Variants in PHAF1 observed in about 807,000 individuals in gnomAD.
PHAF1 encodes phagophore assembly factor 1.
In PHAF1, 23 loss-of-function variants were observed where a neutral mutation model predicts 63.1. The observed-to-expected ratio is 0.36, with a 90% CI of 0.26 to 0.52. PHAF1 has a LOEUF of 0.52. Among genes scored for constraint, PHAF1 ranks in the 20% least tolerant of loss-of-function variants. The probability of loss-of-function intolerance (pLI) is 0.93; values close to 1 mark genes in which losing one functional copy is unlikely to be tolerated. For missense variants in PHAF1, 427 were observed against 517.2 expected (o/e 0.83, Z 1.69); for synonymous variants, 167 against 185.0 (o/e 0.90, Z 0.79).
intron 1 of PHAF1, among the ~76,000 whole-genome samples, 183 bp from the exon 2 acceptor site, chr16:67,119,929 T>C (rs1962906445): frequency 6.6e-6 from 1 of 152,194 alleles, no homozygotes; most frequent in African/African-American, 2.4e-5. Flanking sequence ...CTCTTAGTGC[T>C]TGCTGCTTAA....
Position 67,134,457 on chromosome 16 carries a change from A to C in PHAF1, c.651A>C (p.Leu217=), listed in dbSNP as rs1255556374. The C allele has an allele frequency of 6.2e-7, 1 of 1,611,342 alleles. No homozygotes were observed. Among genetic ancestry groups the C allele is most frequent in the Admixed American group, 1.7e-5 (1 of 60,008 alleles). The change falls in exon 8 of 16, where the codon CTA becomes CTC. Residue 217 remains leucine (L), a synonymous_variant. Coordinates refer to ENST00000219139, the MANE Select transcript of PHAF1 (RefSeq NM_025187.5). ...GACCTGCAGGTTTACGACTTCGCCT[A>C]CTTGCTGCAGGTCAGTGACTGGCTT... The part of the protein sequence containing the change: ...GTGPAGLRLR[L]LAAGCGPGLL...
At chr16:67,146,773 T>C (rs2030124700) in intron 15 of PHAF1, among the ~76,000 whole-genome samples, 1 of 152,164 alleles carries the variant, frequency 6.6e-6, no homozygotes, top group Admixed American at 6.5e-5. Flanking sequence ...AAGCTGCCCT[T>C]GTTTTCCCTG....
At position 67,147,374 on chromosome 16, in the gene PHAF1, GT is replaced by G. The variant is rs1248316350; in HGVS notation, c.*246del. 13 of 513,922 alleles carry G rather than the reference GT, an allele frequency of 2.5e-5. No homozygotes were observed. The highest frequency in any genetic ancestry group is 4.1e-5 in the Non-Finnish European group (12 of 289,284). 31.8% of individuals were successfully genotyped at this position (513,922 alleles called of 1,614,324 possible). A position where few individuals can be genotyped will look rare whatever the true frequency, so the allele number is the denominator to read the frequency against. ...CACAGACTGCAAAGAGAAGCACAAA[GT>G]TTGAGCCTTGATTCCTGGACCCAGG... On this transcript the variant is annotated 3_prime_UTR_variant, in exon 16 of 16. Coordinates refer to ENST00000219139, the MANE Select transcript of PHAF1 (RefSeq NM_025187.5).
In PHAF1 at chr16:67,120,128, G is replaced by C; in HGVS notation, c.81G>C (p.Gln27His). The C allele has an allele frequency of 6.2e-7, 1 of 1,613,970 alleles. No individual in the cohort carries two copies. The highest frequency in any genetic ancestry group is 8.5e-7 in the Non-Finnish European group (1 of 1,179,934). The change falls in exon 2 of 16, where the codon CAG becomes CAC. Residue 27 changes from glutamine to histidine, a missense_variant. Transcript: ENST00000219139. ...TTATTTCAGGAATGCCTCTGGCTCA[G>C]GCAGTAGCCATTCTTCAGAAGCACT... ...WEFTLGMPLA[Q>H]AVAILQKHCR...
intron 1 of PHAF1, among the ~76,000 whole-genome samples, chr16:67,110,992 A>G (rs1347172730): frequency 6.6e-6 from 1 of 152,018 alleles, no homozygotes; most frequent in East Asian, 1.9e-4. Context: ...TTGTATTTTT[A>G]GTAGAGACGA....
chr16:67,131,472 C>A, intron 4 of PHAF1, 143 bp downstream of exon 4: 1 of 611,690 alleles, frequency 1.6e-6, no homozygotes, highest in Non-Finnish European at 2.8e-6. Context: ...AACCTTCAAG[C>A]CTGCTCAGTT....
intron 2 of PHAF1, among the ~76,000 whole-genome samples, chr16:67,122,007 C>T (rs1487334445): frequency 6.6e-6 from 1 of 152,170 alleles, no homozygotes; most frequent in East Asian, 1.9e-4. Context: ...AAGTGATCCT[C>T]CCACCTCAGT....
chr16:67,144,989 C>G, intron 12 of PHAF1, 112 bp downstream of exon 12: 1 of 1,315,838 alleles, frequency 7.6e-7, no homozygotes, highest in Middle Eastern at 1.8e-4. Context: ...CTGCCCATGG[C>G]CTCAGTTCCT....
At chr16:67,110,336 G>A (rs2145804795) in intron 1 of PHAF1, 97 bp downstream of exon 1, 2 of 1,347,042 alleles carry the variant, frequency 1.5e-6, no homozygotes, top group African/African-American at 1.5e-5. Flanking sequence ...CCCTGCGCCC[G>A]CAGCTCCTCA....
chr16:67,117,549 G>A (rs1171993072), intron 1 of PHAF1, among the ~76,000 whole-genome samples: 1 of 151,166 alleles, frequency 6.6e-6, no homozygotes, highest in Admixed American at 6.6e-5. Context: ...AGGCCGAGGC[G>A]GTGGATCACG....
chr16:67,128,620 C>T lies in PHAF1; in HGVS notation c.231+2578C>T, dbSNP rs542359920. Among the ~76,000 whole-genome samples, 9 of 152,344 alleles carry T rather than the reference C, an allele frequency of 5.9e-5. No homozygotes were observed. The East Asian group carries it at 1.3e-3, about 23-fold the overall frequency. On this transcript the variant is annotated intron_variant, in intron 3 of 15. Transcript: ENST00000219139. ...TTTTCCATTTTTATCTTGGCTGCTG[C>T]CACATCTCTTCCCCTCTGGGGAAAT...
In PHAF1 at chr16:67,120,233, T is replaced by C. The variant is rs566796872; in HGVS notation, c.147+39T>C. ...GATTTGTTTATTGAAATAGCATCCC[T>C]CGGTAGTGAGTCACTTCCAGAGCTG... On this transcript the variant is annotated intron_variant, in intron 2 of 15. Transcript: ENST00000219139. 1.9e-6 allele frequency: 3 copies of C among 1,571,152 alleles called. No homozygotes were observed. The Admixed American group carries it at 5.0e-5, about 26-fold the overall frequency.
chr16:67,142,521 CA>C (rs1225877908), intron 10 of PHAF1, among the ~76,000 whole-genome samples: 6 of 152,228 alleles, frequency 3.9e-5, no homozygotes, highest in African/African-American at 1.4e-4. Flanking sequence ...GCCGAGGCGG[CA>C]GGGGGCTAGT....
intron 3 of PHAF1, among the ~76,000 whole-genome samples, chr16:67,130,264 G>T (rs1036171941): frequency 6.6e-6 from 1 of 151,474 alleles, no homozygotes; most frequent in African/African-American, 2.4e-5. Context: ...AGCCAGGATG[G>T]TCTCAATCTC....
intron 6 of PHAF1, among the ~76,000 whole-genome samples, chr16:67,133,636 T>C (rs1291422381): frequency 6.6e-6 from 1 of 151,798 alleles, no homozygotes; most frequent in African/African-American, 2.4e-5. Context: ...AAAATTTAGC[T>C]GGGTGTGGTG....
intron 11 of PHAF1, among the ~76,000 whole-genome samples, 167 bp from the exon 12 acceptor site, chr16:67,144,667 C>G (rs1963926185): frequency 6.6e-6 from 1 of 152,220 alleles, no homozygotes; most frequent in South Asian, 2.1e-4. Context: ...TTCTGTTCGA[C>G]TTCCGTGCCT....
At chr16:67,118,331 CTTTTT>C (rs1054550338) in intron 1 of PHAF1, among the ~76,000 whole-genome samples, 1 of 76,552 alleles carries the variant, frequency 1.3e-5, no homozygotes, top group African/African-American at 6.4e-5. Flanking sequence ...GCCCCTGTTG[CTTTTT>C]TTTTTTTTTT....
In PHAF1 at chr16:67,132,845, T is replaced by C; in HGVS notation, c.384T>C (p.His128=). ...ACAACTCCGCTGAGCAGCTCTTCCA[T>C]CTCAACTTCAGAGGACTGTCTTTCT... ...GVYNSAEQLF[H]LNFRGLSFSF... The change falls in exon 6 of 16, where the codon CAT becomes CAC. Residue 128 remains histidine, a synonymous_variant. Transcript: ENST00000219139. 2 of 1,613,764 alleles carry C rather than the reference T, an allele frequency of 1.2e-6. No homozygotes were observed. Among genetic ancestry groups the C allele is most frequent in the Non-Finnish European group, 8.5e-7 (1 of 1,179,626 alleles).
At chr16:67,121,291 C>CCG (rs1351729909) in intron 2 of PHAF1, among the ~76,000 whole-genome samples, 2 of 151,430 alleles carry the variant, frequency 1.3e-5, no homozygotes, top group Non-Finnish European at 2.9e-5. Context: ...CTGGGTTCAC[C>CCG]CGCCATTCTC....
Sources: gnomAD v4.1 joint callset for allele counts (sites outside exome capture counted in the v4.1 genomes callset) on GRCh38, gnomAD v4.1.1 for gene constraint, MANE v1.5 for transcripts, NCBI Gene and HGNC (gene_info 2026-07-23, HGNC 2026-07-21) for gene names.